The following NCOR2 variants were observed in gnomAD, a reference collection of about 807,000 sequenced individuals.
NCOR2 encodes the protein CTG repeat protein 26.
NCOR2 carries 81 observed loss-of-function variants against 262.9 expected under a neutral mutation model. The observed-to-expected ratio is 0.31, with a 90% CI of 0.26 to 0.37. The LOEUF is 0.37. Among genes scored for constraint, NCOR2 ranks in the 10% least tolerant of loss-of-function variants. The pLI is 1.00. For synonymous variants in NCOR2, 1,659 were observed against 1,559.3 expected, an observed-to-expected ratio of 1.06 and a Z score of -1.51; for missense variants, 3,385 against 3,621.4, an observed-to-expected ratio of 0.93 and a Z score of 1.68.
chr12:124,391,674 T>C (rs1263506283), intron 16 of NCOR2, among the ~76,000 whole-genome samples: 2 of 152,184 alleles, frequency 1.3e-5, no homozygotes, highest in Non-Finnish European at 2.9e-5. Context: ...TTTCTCTCCA[T>C]CTACTCTTTC....
chr12:124,358,798 C>CTCT (rs2038236909), intron 22 of NCOR2, among the ~76,000 whole-genome samples: 1 of 152,148 alleles, frequency 6.6e-6, no homozygotes, highest in Admixed American at 6.5e-5. Context: ...AGAGGTCATG[C>CTCT]TCTCTCAGGG....
intron 33 of NCOR2, 149 bp from the exon 36 acceptor site, chr12:124,342,223 G>A (rs932756667): frequency 5.5e-5 from 51 of 922,278 alleles, no homozygotes; most frequent in Admixed American, 8.7e-5. Flanking sequence ...AGAACTGAGC[G>A]TCGGACAGCA....
chr12:124,554,632 G>C (rs941244757), intron 1 of NCOR2, among the ~76,000 whole-genome samples: 1 of 152,228 alleles, frequency 6.6e-6, no homozygotes, highest in Non-Finnish European at 1.5e-5. Flanking sequence ...AGAGGGCAGC[G>C]AGAGCCTGAA....
At position 124,389,039 on chromosome 12, in the gene NCOR2, T is replaced by C. The variant is rs1228837388; in HGVS notation, c.1877-3152A>G. Among the ~76,000 whole-genome samples the C allele has an allele frequency of 6.6e-6, 1 of 152,100 alleles. No individual in the cohort carries two copies. Among genetic ancestry groups the C allele is most frequent in the Non-Finnish European group, 1.5e-5 (1 of 67,970 alleles). ...CTCTGACGCCGTCCCCAAGCCGCTGTGGGCGCGCGAGGTGCCCTTCCCCGA... is the reference window on the plus strand; with the variant it reads ...CTCTGACGCCGTCCCCAAGCCGCTGCGGGCGCGCGAGGTGCCCTTCCCCGA... On this transcript the variant is annotated intron_variant, in intron 16 of 46. Transcript: ENST00000405201. The surrounding 1 kb of genome is among the most constrained non-coding windows in gnomAD (Gnocchi z 4.4).
At chr12:124,392,137 G>C (rs891283412) in intron 16 of NCOR2, among the ~76,000 whole-genome samples, 4 of 152,240 alleles carry the variant, frequency 2.6e-5, no homozygotes, top group Non-Finnish European at 4.4e-5. Context: ...TCGACCGCCA[G>C]GTGCTCCTTC....
intron 1 of NCOR2, among the ~76,000 whole-genome samples, chr12:124,516,278 C>T (rs997187164): frequency 2.6e-5 from 4 of 152,176 alleles, no homozygotes; most frequent in African/African-American, 4.8e-5. Context: ...CTGGCCCTCC[C>T]GCGCCAGTCC....
At position 124,385,906 on chromosome 12, in the gene NCOR2, G is replaced by T; in HGVS notation, c.1877-19C>A. The T allele has an allele frequency of 6.2e-7, 1 of 1,611,088 alleles. No individual in the cohort carries two copies. ...AGGAGACCTGTCTCAGGAGAGGAGG[G>T]CAGTGAGAAGAGGCCAGGCCCGGCA... is the stretch of plus-strand genomic sequence containing the variant. On this transcript the variant is annotated intron_variant, in intron 16 of 46. Coordinates refer to ENST00000405201, the Ensembl canonical transcript of NCOR2.
At chr12:124,532,660 G>A (rs1351740592) in intron 1 of NCOR2, among the ~76,000 whole-genome samples, 1 of 152,230 alleles carries the variant, frequency 6.6e-6, no homozygotes, top group Admixed American at 6.5e-5. Context: ...GGCATGACAA[G>A]CAGATAACTC....
intron 6 of NCOR2, among the ~76,000 whole-genome samples, chr12:124,451,400 A>C (rs144840202): frequency 5.3e-4 from 80 of 152,322 alleles, no homozygotes; most frequent in Non-Finnish European, 1.1e-3. Flanking sequence ...TAACTGATAC[A>C]ATCATCCCCC....
intron 11 of NCOR2, among the ~76,000 whole-genome samples, chr12:124,423,301 G>A (rs997457065): frequency 6.6e-5 from 10 of 152,196 alleles, no homozygotes; most frequent in East Asian, 1.9e-4. Flanking sequence ...CAGGCGTCCC[G>A]GCGACGTGCC....
In NCOR2 at chr12:124,432,251, G is replaced by A. The variant is rs1026373859; in HGVS notation, c.883-1464C>T. 1.3e-5 allele frequency among the ~76,000 whole-genome samples: 2 copies of A among 152,108 alleles called. No homozygotes were observed. The highest frequency in any genetic ancestry group is 6.5e-5 in the Admixed American group (1 of 15,280). ...ACACACACACATCACACAGGCAGACGACAGAAAGACAGGCACATAGTTGCA... is the reference window on the plus strand; with the variant it reads ...ACACACACACATCACACAGGCAGACAACAGAAAGACAGGCACATAGTTGCA... On this transcript the variant is annotated intron_variant, in intron 8 of 46. Coordinates refer to ENST00000405201, the Ensembl canonical transcript of NCOR2. The surrounding 1 kb of genome is among the most constrained non-coding windows in gnomAD (Gnocchi z 5.1).
At chr12:124,509,700 G>A (rs917549322) in intron 1 of NCOR2, among the ~76,000 whole-genome samples, 11 of 152,184 alleles carry the variant, frequency 7.2e-5, no homozygotes, top group African/African-American at 2.2e-4. Flanking sequence ...CCAGGGAGAG[G>A]CCTGTCCTGT....
chr12:124,479,397 ACACG>A (rs1361699318), intron 3 of NCOR2, among the ~76,000 whole-genome samples: 1 of 152,032 alleles, frequency 6.6e-6, no homozygotes, highest in Non-Finnish European at 1.5e-5. Context: ...ACGCATGGAC[ACACG>A]CACGCACACA....
chr12:124,488,563 CCA>C (rs1336261564), intron 1 of NCOR2, among the ~76,000 whole-genome samples: 1 of 152,200 alleles, frequency 6.6e-6, no homozygotes, highest in Non-Finnish European at 1.5e-5. Flanking sequence ...CTCCTGCATC[CCA>C]CAGTGTCTAG....
chr12:124,391,118 G>A (rs538700647), intron 16 of NCOR2, among the ~76,000 whole-genome samples: 6 of 152,348 alleles, frequency 3.9e-5, no homozygotes, highest in South Asian at 2.1e-4. Context: ...CTGTGCTGCC[G>A]CTCAGATGCC....
intron 16 of NCOR2, chr12:124,388,739 G>C: frequency 3.8e-6 from 5 of 1,304,322 alleles, no homozygotes; most frequent in Non-Finnish European, 5.1e-6. Flanking sequence ...ATAGGGCTGG[G>C]AAGATGCCCC....
At chr12:124,399,515 G>C (rs2041880116) in intron 15 of NCOR2, among the ~76,000 whole-genome samples, 1 of 152,174 alleles carries the variant, frequency 6.6e-6, no homozygotes, top group Admixed American at 6.5e-5. Context: ...TGTGGCCAAT[G>C]GGGCTGAGTT....
intron 21 of NCOR2, among the ~76,000 whole-genome samples, chr12:124,363,151 C>T (rs1420133789): frequency 3.3e-5 from 5 of 152,222 alleles, no homozygotes; most frequent in Non-Finnish European, 7.3e-5. Flanking sequence ...CGCCCTGAGC[C>T]CATCACTCAA....
At chr12:124,423,852 A>C (rs964195881) in intron 11 of NCOR2, among the ~76,000 whole-genome samples, 52 of 152,224 alleles carry the variant, frequency 3.4e-4, no homozygotes, top group African/African-American at 1.2e-3. Context: ...CCCTGTCGCT[A>C]TACCCATTTT....
Sources: gnomAD v4.1 joint callset for allele counts (sites outside exome capture counted in the v4.1 genomes callset) on GRCh38, gnomAD v4.1.1 for gene constraint, Gnocchi (gnomAD v3.1) non-coding constraint, MANE v1.5 for transcripts, NCBI Gene and HGNC (gene_info 2026-07-23, HGNC 2026-07-21) for gene names.